Variants in TXLNG observed in about 807,000 individuals in gnomAD.
TXLNG encodes the protein gamma-taxilin.
In TXLNG, 5 loss-of-function variants were observed where a neutral mutation model predicts 38.8. The observed-to-expected ratio is 0.13, with a 90% CI of 0.07 to 0.27. The LOEUF (loss-of-function observed/expected upper bound fraction) is 0.27. TXLNG is among the 10% of genes least tolerant of loss of function. The probability of loss-of-function intolerance (pLI) is 1.00; values close to 1 mark genes in which losing one functional copy is unlikely to be tolerated. For synonymous variants in TXLNG, 182 were observed against 158.2 expected, an observed-to-expected ratio of 1.15 and a Z score of -1.13; for missense variants, 393 against 398.2, an observed-to-expected ratio of 0.99 and a Z score of 0.11.
rs992653360 is a variant in TXLNG at position 16,793,660 on chromosome X, C to CT, written c.102+7080dup. Among the ~76,000 whole-genome samples, 11 of 95,646 alleles carry CT rather than the reference C, an allele frequency of 1.2e-4. No homozygotes were observed. The East Asian group carries it at 1.3e-3, about 11-fold the overall frequency. 83.1% of individuals were successfully genotyped at this position (95,646 alleles called of 115,157 possible). ...TTTGTAAAATATCTTTTTTTTTTTT[C>CT]TTTTTTTTTGAGACAGGATCTCCCT... On this transcript the variant is annotated intron_variant, in intron 1 of 9. Coordinates refer to ENST00000380122, the MANE Select transcript of TXLNG (RefSeq NM_018360.3).
At chrX:16,790,952 G>A (rs57029822) in intron 1 of TXLNG, among the ~76,000 whole-genome samples, 1,303 of 111,818 alleles carry the variant, frequency 0.012, 22 homozygotes, top group African/African-American at 0.041. Flanking sequence ...GCTTTCTGCC[G>A]CCCATAGCTC....
chrX:16,820,181 C>G lies in TXLNG; in HGVS notation c.424C>G (p.Leu142Val). ...ACCATCAGGAAAAGAAGTTTTATTA[C>G]TGATGCAAGCCCTAAACACCCTTTC... ...EKTLGKEVLL[L>V]MQALNTLSTP... is the part of the protein sequence containing the mutation. Residue 142 changes from leucine (L) to valine (V), a missense_variant, in exon 3 of 10, where the codon CTG becomes GTG. Leu to Val is a conservative substitution (Grantham distance 32). Coordinates refer to ENST00000380122, the MANE Select transcript of TXLNG (RefSeq NM_018360.3). The G allele has an allele frequency of 3.3e-6, 4 of 1,205,852 alleles. No individual in the cohort carries two copies. Among genetic ancestry groups the G allele is most frequent in the Non-Finnish European group, 4.5e-6 (4 of 892,874 alleles).
intron 3 of TXLNG, among the ~76,000 whole-genome samples, chrX:16,827,491 G>A (rs1162009269): frequency 9.0e-6 from 1 of 111,580 alleles, no homozygotes; most frequent in East Asian, 2.8e-4. Flanking sequence ...AAATTCAGGG[G>A]CAGGAGGTAT....
chrX:16,842,037 C>G lies in TXLNG; in HGVS notation c.*271C>G. The G allele has an allele frequency of 3.4e-6, 1 of 295,963 alleles. No individual in the cohort carries two copies. The highest frequency in any genetic ancestry group is 5.9e-6 in the Non-Finnish European group (1 of 169,697). The allele number at this position is 295,963 out of a possible 1,213,427, so 24.4% of individuals were successfully genotyped here. ...TGCCTTGTCCTTTCTCTCCCTGCTC[C>G]TTGCACATTATCATCCTAATGAAAA... On this transcript the variant is annotated 3_prime_UTR_variant, in exon 10 of 10. Transcript: ENST00000380122.
intron 1 of TXLNG, among the ~76,000 whole-genome samples, chrX:16,816,859 A>G (rs1441255695): frequency 8.9e-6 from 1 of 112,245 alleles, no homozygotes; most frequent in Non-Finnish European, 1.9e-5. Flanking sequence ...ATAAATTGAG[A>G]AAAGTATACA....
intron 1 of TXLNG, among the ~76,000 whole-genome samples, chrX:16,788,602 G>A (rs182203282): frequency 9.1e-6 from 1 of 110,450 alleles, no homozygotes; most frequent in East Asian, 2.8e-4. Context: ...GGAGACTGAA[G>A]CAGGAGGCTA....
chrX:16,816,769 G>A (rs1386347087), intron 1 of TXLNG, among the ~76,000 whole-genome samples: 2 of 111,899 alleles, frequency 1.8e-5, no homozygotes, highest in East Asian at 5.5e-4. Context: ...TCTTCTTAGA[G>A]GAAAATATTT....
At chrX:16,792,455 A>G (rs992531385) in intron 1 of TXLNG, among the ~76,000 whole-genome samples, 1 of 111,213 alleles carries the variant, frequency 9.0e-6, no homozygotes, top group African/African-American at 3.3e-5. Flanking sequence ...ATTATGAATA[A>G]CTTTTAGTTA....
intron 7 of TXLNG, among the ~76,000 whole-genome samples, chrX:16,835,078 TAA>T (rs998731218): frequency 2.1e-5 from 2 of 95,989 alleles, no homozygotes; most frequent in Non-Finnish European, 4.2e-5. Flanking sequence ...GTTAGCTCCT[TAA>T]AAAAAAAAAA....
intron 1 of TXLNG, among the ~76,000 whole-genome samples, chrX:16,804,809 A>T (rs1928260290): frequency 9.2e-6 from 1 of 108,666 alleles, no homozygotes. Flanking sequence ...TAGCGGTGAA[A>T]TCTGAAGTCT....
Position 16,799,973 on chromosome X carries a change from A to G in TXLNG, c.102+13384A>G, listed in dbSNP as rs111991734. On this transcript the variant is annotated intron_variant, in intron 1 of 9. Coordinates refer to ENST00000380122, the MANE Select transcript of TXLNG (RefSeq NM_018360.3). ...ATCTTTTTTTTTGAGATGGAGTCTC[A>G]CTCTAGCCCAGGCTGGAGTGCAGTG... Among the ~76,000 whole-genome samples, 957 of 109,108 alleles carry G rather than the reference A, an allele frequency of 8.8e-3. 8 individuals carry two copies. Among genetic ancestry groups the G allele is most frequent in the African/African-American group, 0.03 (910 of 29,998 alleles). 94.7% of individuals were successfully genotyped at this position (109,108 alleles called of 115,157 possible).
intron 9 of TXLNG, among the ~76,000 whole-genome samples, chrX:16,840,964 A>C (rs1189857214): frequency 9.0e-6 from 1 of 111,437 alleles, no homozygotes; most frequent in East Asian, 2.8e-4. Flanking sequence ...CGGGAGGCCA[A>C]GGCGGGCAGA....
chrX:16,816,580 AAG>A (rs1303649729), intron 1 of TXLNG, among the ~76,000 whole-genome samples: 1 of 112,617 alleles, frequency 8.9e-6, no homozygotes, highest in Non-Finnish European at 1.9e-5. Context: ...CAAATAACTT[AAG>A]AGTTTCAGTA....
At position 16,813,574 on chromosome X, in the gene TXLNG, G is replaced by A. The variant is rs1417595337; in HGVS notation, c.103-5000G>A. ...GAGGCGAGAAGATGCTTTGAGCCCA[G>A]GAGGTTGAGGCTGCAGTAAGCTTGC... On this transcript the variant is annotated intron_variant, in intron 1 of 9. Coordinates refer to ENST00000380122, the MANE Select transcript of TXLNG (RefSeq NM_018360.3). Among the ~76,000 whole-genome samples the A allele has an allele frequency of 2.8e-5, 3 of 106,032 alleles. No homozygotes were observed. In the Admixed American group the frequency reaches 3.1e-4, roughly 11 times the overall value. The allele number at this position is 106,032 out of a possible 115,157, so 92.1% of individuals were successfully genotyped here.
intron 1 of TXLNG, among the ~76,000 whole-genome samples, chrX:16,802,636 CCTG>C (rs2147466803): frequency 9.0e-6 from 1 of 111,070 alleles, no homozygotes; most frequent in South Asian, 3.8e-4. Flanking sequence ...GGTATGACCT[CCTG>C]CTGTGTTCAG....
At chrX:16,807,242 A>C (rs901059475) in intron 1 of TXLNG, among the ~76,000 whole-genome samples, 5 of 112,105 alleles carry the variant, frequency 4.5e-5, no homozygotes, top group African/African-American at 1.3e-4. Context: ...TAAAAATTCT[A>C]CGTATCTTTC....
In TXLNG at chrX:16,843,615, A is replaced by T. The variant is rs945599496; in HGVS notation, c.*1849A>T. 1 of 111,273 alleles carries T rather than the reference A, an allele frequency of 9.0e-6. No individual in the cohort carries two copies. The highest frequency in any genetic ancestry group is 3.3e-5 in the African/African-American group (1 of 30,486). The allele number at this position is 111,273 out of a possible 1,213,427, so 9.2% of individuals were successfully genotyped here. Reference sequence around the variant, plus strand: ...CTAATGATCACATTATTTCACAAGAACTCTGCTGGATGTACAGCTCTTAAC... The same window carrying T: ...CTAATGATCACATTATTTCACAAGATCTCTGCTGGATGTACAGCTCTTAAC... On this transcript the variant is annotated 3_prime_UTR_variant, in exon 10 of 10. Coordinates refer to ENST00000380122, the MANE Select transcript of TXLNG (RefSeq NM_018360.3).
intron 1 of TXLNG, among the ~76,000 whole-genome samples, chrX:16,806,225 T>C (rs747097901): frequency 5.3e-4 from 60 of 112,508 alleles, no homozygotes; most frequent in African/African-American, 1.9e-3. Context: ...CTCAAAATAC[T>C]GGAAGCGTTT....
rs749188791 is a variant in TXLNG at position 16,798,886 on chromosome X, CT to C, written c.102+12309del. Among the ~76,000 whole-genome samples, 318 of 103,377 alleles carry C rather than the reference CT, an allele frequency of 3.1e-3. 1 individual carries two copies. The highest frequency in any genetic ancestry group is 8.1e-3 in the African/African-American group (233 of 28,830). The allele number at this position is 103,377 out of a possible 115,157, so 89.8% of individuals were successfully genotyped here. A position where few individuals can be genotyped will look rare whatever the true frequency, so the allele number is the denominator to read the frequency against. ...AGCCACTGCGCCCAGCCAGCATTTC[CT>C]TTTTTTTTTTTGAGACGGAGTTTCG... On this transcript the variant is annotated intron_variant, in intron 1 of 9. Coordinates refer to ENST00000380122, the MANE Select transcript of TXLNG (RefSeq NM_018360.3).
Sources: gnomAD v4.1 joint callset for allele counts (sites outside exome capture counted in the v4.1 genomes callset) on GRCh38, gnomAD v4.1.1 for gene constraint, MANE v1.5 for transcripts, NCBI Gene and HGNC (gene_info 2026-07-23, HGNC 2026-07-21) for gene names.